Variants in KAT6A observed in about 807,000 individuals in gnomAD.
KAT6A encodes histone acetyltransferase KAT6A.
A neutral mutation model predicts 198.4 loss-of-function variants in KAT6A; 9 were observed. That is an observed-to-expected ratio of 0.05 (90% confidence interval 0.03 to 0.08). The LOEUF is 0.08. Among genes scored for constraint, KAT6A ranks in the 10% least tolerant of loss-of-function variants. The pLI, the probability that KAT6A is intolerant of heterozygous loss-of-function variation, is 1.00. For missense variants in KAT6A, 2,077 were observed against 2,509.9 expected, an observed-to-expected ratio of 0.83 and a Z score of 3.69; for synonymous variants, 890 against 883.0, an observed-to-expected ratio of 1.01 and a Z score of -0.14.
At position 41,931,515 on chromosome 8, in the gene KAT6A, T is replaced by G; in HGVS notation, c.*690A>C. 1 of 207,776 alleles carries G rather than the reference T, an allele frequency of 4.8e-6. No homozygotes were observed. The highest frequency in any genetic ancestry group is 7.3e-5 in the East Asian group (1 of 13,774). 12.9% of individuals were successfully genotyped at this position (207,776 alleles called of 1,614,324 possible). A position where few individuals can be genotyped will look rare whatever the true frequency, so the allele number is the denominator to read the frequency against. Reference sequence around the variant, plus strand: ...CACTTGATTCAAGAACAACAAAGATTTCAATGAAGTCCGTCTATAAAGAAA... The same window carrying G: ...CACTTGATTCAAGAACAACAAAGATGTCAATGAAGTCCGTCTATAAAGAAA... On this transcript the variant is annotated 3_prime_UTR_variant, in exon 17 of 17. Transcript: ENST00000265713.
At chr8:41,943,330 T>C (rs1046433715) in intron 13 of KAT6A, among the ~76,000 whole-genome samples, 2 of 152,260 alleles carry the variant, frequency 1.3e-5, no homozygotes. Flanking sequence ...GTGACCTTTT[T>C]CTGACCACTT....
intron 2 of KAT6A, among the ~76,000 whole-genome samples, chr8:42,028,740 A>C (rs909448635): frequency 6.6e-6 from 1 of 152,190 alleles, no homozygotes; most frequent in Non-Finnish European, 1.5e-5. Flanking sequence ...TGACAGCTGA[A>C]GACTTATCCT....
At chr8:41,996,640 T>C (rs754861923) in intron 2 of KAT6A, among the ~76,000 whole-genome samples, 2 of 152,304 alleles carry the variant, frequency 1.3e-5, no homozygotes, top group South Asian at 4.1e-4. Context: ...TCGTTGGAAT[T>C]TGGCCCCCTT....
chr8:41,946,529 C>G (rs2980902), intron 12 of KAT6A, 62 bp downstream of exon 12: 1 of 681,864 alleles, frequency 1.5e-6, no homozygotes, highest in African/African-American at 2.0e-5. Context: ...CACACACACA[C>G]ACACACACAC....
In KAT6A at chr8:41,946,491, TATACAC is replaced by T. The variant is rs869046491; in HGVS notation, c.1996+94_1996+99del. Reference sequence around the variant, plus strand: ...ACCTACAAATCTTTAAATATATATATATACACACACACACACACACACACACACACA... The same window carrying T: ...ACCTACAAATCTTTAAATATATATATACACACACACACACACACACACACA... On this transcript the variant is annotated intron_variant, in intron 12 of 16. Coordinates refer to ENST00000265713, the MANE Select transcript of KAT6A (RefSeq NM_006766.5). 6,341 of 463,016 alleles carry T rather than the reference TATACAC, an allele frequency of 0.014. 106 individuals carry two copies. Among genetic ancestry groups the T allele is most frequent in the Non-Finnish European group, 0.014 (3,827 of 273,984 alleles). 28.7% of individuals were successfully genotyped at this position (463,016 alleles called of 1,614,324 possible). A position where few individuals can be genotyped will look rare whatever the true frequency, so the allele number is the denominator to read the frequency against.
Position 42,010,632 on chromosome 8 carries a change from T to C in KAT6A, c.601-23069A>G, listed in dbSNP as rs567841473. ...AGTCTGATTATCACCTCCCCATCAC[T>C]GGGGTATGTGAGACAGCCCAAGTTT... On this transcript the variant is annotated intron_variant, in intron 2 of 16. Coordinates refer to ENST00000265713, the MANE Select transcript of KAT6A (RefSeq NM_006766.5). Among the ~76,000 whole-genome samples the C allele has an allele frequency of 2.6e-5, 4 of 152,282 alleles. No homozygotes were observed. The East Asian group carries it at 7.7e-4, about 29-fold the overall frequency.
rs557621449 is a variant in KAT6A, at chr8:41,978,673, G to A, written c.1012C>T (p.Pro338Ser). Residue 338 changes from proline (P) to serine (S), a missense_variant, in exon 6 of 17, where the codon CCA (proline) becomes TCA (serine). Coordinates refer to ENST00000265713, the MANE Select transcript of KAT6A (RefSeq NM_006766.5). ...KRRYTNPIGR[P>S]KNRLKKQNTV... The stretch of plus-strand genomic sequence containing the variant: ...TTTTGTTTCTTTAACCTGTTTTTTG[G>A]ACGTCCTATTGGATTAGTATAGCGC... 6.2e-7 allele frequency: 1 copy of A among 1,613,560 alleles called. No individual in the cohort carries two copies. The highest frequency in any genetic ancestry group is 1.1e-5 in the South Asian group (1 of 91,018).
intron 8 of KAT6A, among the ~76,000 whole-genome samples, chr8:41,959,908 A>G (rs1041591639): frequency 4.6e-5 from 7 of 151,980 alleles, no homozygotes; most frequent in African/African-American, 1.7e-4. Flanking sequence ...GTGAGCCAAG[A>G]TCGCGCAACT....
chr8:41,943,522 G>A (rs1244311284), intron 13 of KAT6A, among the ~76,000 whole-genome samples: 1 of 151,532 alleles, frequency 6.6e-6, no homozygotes, highest in East Asian at 1.9e-4. Context: ...AAAAATTAGG[G>A]GTATCAGAAA....
At chr8:41,969,001 G>A (rs368885630) in intron 8 of KAT6A, among the ~76,000 whole-genome samples, 7 of 152,134 alleles carry the variant, frequency 4.6e-5, no homozygotes, top group African/African-American at 1.7e-4. Context: ...AATGTTCCAT[G>A]CAAAGTTTGA....
At position 41,934,851 on chromosome 8, in the gene KAT6A, C is replaced by T; in HGVS notation, c.3369G>A (p.Lys1123=). 1 of 1,610,086 alleles carries T rather than the reference C, an allele frequency of 6.2e-7. No homozygotes were observed. Among genetic ancestry groups the T allele is most frequent in the East Asian group, 2.2e-5 (1 of 44,858 alleles). ...CACGTTTTCGCAAAAGAGATACTGG[C>T]TTTAAGATAGGAGTGTCTATACAGG... The part of the protein sequence containing the change: ...SDDADDTPIL[K]PVSLLRKRDV... The change falls in exon 17 of 17, where the codon AAG becomes AAA. Residue 1123 remains lysine, a synonymous_variant. Coordinates refer to ENST00000265713, the MANE Select transcript of KAT6A (RefSeq NM_006766.5).
chr8:41,963,490 T>C (rs1238026183), intron 8 of KAT6A, among the ~76,000 whole-genome samples: 1 of 152,186 alleles, frequency 6.6e-6, no homozygotes, highest in African/African-American at 2.4e-5. Context: ...TAACTCCCAA[T>C]CCAACAGCAG....
At chr8:41,997,607 A>C (rs904442722) in intron 2 of KAT6A, among the ~76,000 whole-genome samples, 5 of 152,102 alleles carry the variant, frequency 3.3e-5, no homozygotes, top group African/African-American at 1.2e-4. Context: ...TCAAACAAAA[A>C]ATTCTTTCTG....
chr8:42,043,547 G>A (rs969896710), intron 2 of KAT6A: 1 of 152,054 alleles, frequency 6.6e-6, no homozygotes, highest in African/African-American at 2.4e-5. Context: ...CTAATCTTTG[G>A]TTCCTAACAC....
At chr8:41,952,806 C>G (rs551189988) in intron 9 of KAT6A, among the ~76,000 whole-genome samples, 7 of 152,124 alleles carry the variant, frequency 4.6e-5, no homozygotes, top group East Asian at 1.9e-4. Context: ...AAGTTTCAAG[C>G]TCATTTAAGT....
chr8:41,963,132 T>G (rs1345859890), intron 8 of KAT6A, among the ~76,000 whole-genome samples: 1 of 152,202 alleles, frequency 6.6e-6, no homozygotes, highest in East Asian at 1.9e-4. Context: ...GGAAGACATT[T>G]TTTATTTAAT....
intron 10 of KAT6A, among the ~76,000 whole-genome samples, chr8:41,948,683 C>T (rs1795314798): frequency 6.6e-6 from 1 of 152,182 alleles, no homozygotes; most frequent in African/African-American, 2.4e-5. Flanking sequence ...CCCAGCTTCT[C>T]CCAAGGTAAA....
In KAT6A at chr8:41,934,249, A is replaced by G; in HGVS notation, c.3971T>C (p.Leu1324Pro). 1 of 1,614,066 alleles carries G rather than the reference A, an allele frequency of 6.2e-7. No individual in the cohort carries two copies. Among genetic ancestry groups the G allele is most frequent in the Non-Finnish European group, 8.5e-7 (1 of 1,180,012 alleles). The change falls in exon 17 of 17, where the codon CTG becomes CCG. Residue 1324 changes from leucine to proline, a missense_variant. Physicochemically the swap from Leu to Pro is moderately conservative, Grantham distance 98. Transcript: ENST00000265713. ...HDADDEDDGH[L>P]ESTKKKELEE... is the part of the protein sequence containing the mutation. ...TAGCTCCTTTTTCTTTGTGGACTCC[A>G]GGTGGCCATCATCCTCATCATCAGC...
chr8:41,941,242 C>T lies in KAT6A; in HGVS notation c.2639G>A (p.Gly880Asp). Residue 880 changes from glycine to aspartate, a missense_variant, in exon 15 of 17, where the codon GGT becomes GAT. Physicochemically the swap from Gly to Asp is moderately conservative, Grantham distance 94 (BLOSUM62 -1). Transcript: ENST00000265713. ...CAAGAGCAGTTTAGAATCTTTATCA[C>T]CAAAACGTTCCTGGGTTTTTCTGTT... ...RKNRKTQERFGDKDSKLLLEE... is the reference protein window; with the variant it reads ...RKNRKTQERFDDKDSKLLLEE... The T allele has an allele frequency of 1.2e-6, 2 of 1,614,182 alleles. No individual in the cohort carries two copies. The highest frequency in any genetic ancestry group is 1.7e-6 in the Non-Finnish European group (2 of 1,180,028).
Sources: allele counts gnomAD v4.1 joint callset (sites outside exome capture counted in the v4.1 genomes callset), GRCh38; gene constraint gnomAD v4.1.1; transcripts MANE v1.5; gene names NCBI Gene and HGNC (gene_info 2026-07-23, HGNC 2026-07-21).